Variants in USP7 observed in about 807,000 individuals in gnomAD.
USP7 encodes the protein ubiquitin specific peptidase 7.
USP7 carries 9 observed loss-of-function variants against 162.9 expected under a neutral mutation model. The ratio of observed to expected loss-of-function variants is 0.06; its 90% CI spans 0.03 to 0.10. The LOEUF (loss-of-function observed/expected upper bound fraction) is 0.10, where lower values mean the gene tolerates loss of function less well. Ranked by LOEUF, USP7 falls within the 10% of genes least tolerant of loss-of-function variation. USP7 has a pLI of 1.00. For synonymous variants in USP7, 562 were observed against 475.9 expected, an observed-to-expected ratio of 1.18 and a Z score of -2.35; for missense variants, 715 against 1,373.7, an observed-to-expected ratio of 0.52 and a Z score of 7.58.
At chr16:8,900,489 A>C (rs979236731) in intron 21 of USP7, 41 bp downstream of exon 21, 10 of 1,441,792 alleles carry the variant, frequency 6.9e-6, no homozygotes, top group African/African-American at 1.4e-5. Context: ...AAAAATCCTG[A>C]AATTAGTACA....
chr16:8,961,434 G>A (rs1193799785), intron 1 of USP7, among the ~76,000 whole-genome samples: 2 of 140,256 alleles, frequency 1.4e-5, no homozygotes, highest in Admixed American at 1.5e-4. Context: ...GGAGGTTGTA[G>A]TGACCCGAGA....
chr16:8,957,058 G>T (rs1018156302), intron 1 of USP7, among the ~76,000 whole-genome samples: 4 of 152,156 alleles, frequency 2.6e-5, no homozygotes, highest in African/African-American at 9.7e-5. Context: ...GGCTCAGGTT[G>T]GTGTATTTCC....
chr16:8,943,643 G>A (rs780445193), intron 1 of USP7, among the ~76,000 whole-genome samples: 1 of 152,220 alleles, frequency 6.6e-6, no homozygotes, highest in African/African-American at 2.4e-5. Flanking sequence ...ATGCCCACCA[G>A]TACTGAAGGT....
chr16:8,908,430 T>C lies in USP7; in HGVS notation c.1182A>G (p.Lys394=). The part of the protein sequence containing the change: ...HGLQEAEKGV[K]FLTLPPVLHL... ...GTAACACTGGTGGCAATGTTAGGAA[T>C]TTCACACCTTTCTCTGCTTCCTAAA... Residue 394 remains lysine (K), a synonymous_variant, in exon 12 of 31, where the codon AAA becomes AAG. Coordinates refer to ENST00000344836, the MANE Select transcript of USP7 (RefSeq NM_003470.3). 6.2e-7 allele frequency: 1 copy of C among 1,612,560 alleles called. No homozygotes were observed. Among genetic ancestry groups the C allele is most frequent in the Non-Finnish European group, 8.5e-7 (1 of 1,179,396 alleles).
intron 1 of USP7, among the ~76,000 whole-genome samples, chr16:8,958,729 A>G (rs1164969035): frequency 1.3e-5 from 2 of 152,248 alleles, no homozygotes; most frequent in African/African-American, 4.8e-5. Flanking sequence ...GCACTCACGC[A>G]AGAATCATCA....
chr16:8,936,017 C>G (rs1013359683), intron 1 of USP7, among the ~76,000 whole-genome samples: 2 of 152,200 alleles, frequency 1.3e-5, no homozygotes, highest in Non-Finnish European at 2.9e-5. Flanking sequence ...TGCCACTTCA[C>G]GAAGATTTAT....
At chr16:8,913,070 G>A (rs1216798975) in intron 10 of USP7, among the ~76,000 whole-genome samples, 3 of 152,014 alleles carry the variant, frequency 2.0e-5, no homozygotes, top group South Asian at 4.2e-4. Context: ...AAAAGCACAT[G>A]GGGGGCTGGG....
intron 1 of USP7, among the ~76,000 whole-genome samples, chr16:8,952,655 G>T (rs936748939): frequency 1.3e-5 from 2 of 152,088 alleles, no homozygotes; most frequent in Non-Finnish European, 2.9e-5. Context: ...ATTCAATAAG[G>T]TCTGCAAAAT....
chr16:8,898,066 G>C (rs559542101), intron 25 of USP7, among the ~76,000 whole-genome samples: 3 of 152,190 alleles, frequency 2.0e-5, no homozygotes, highest in South Asian at 2.1e-4. Flanking sequence ...GGAAGAGCTG[G>C]AGAAGGATCC....
At chr16:8,940,402 C>G (rs753664796) in intron 1 of USP7, among the ~76,000 whole-genome samples, 1 of 152,184 alleles carries the variant, frequency 6.6e-6, no homozygotes, top group African/African-American at 2.4e-5. Flanking sequence ...GAGAACTCTT[C>G]GGCTTCTTGA....
Position 8,898,667 on chromosome 16 carries a change from A to G in USP7, c.2532-28T>C, listed in dbSNP as rs541288253. Reference sequence around the variant, plus strand: ...ACACAAGAAAACAGCATATAAATAAATGACTTGTTTATTTGCCTAAAAACA... The same window carrying G: ...ACACAAGAAAACAGCATATAAATAAGTGACTTGTTTATTTGCCTAAAAACA... On this transcript the variant is annotated intron_variant, in intron 23 of 30. Transcript: ENST00000344836. The G allele has an allele frequency of 3.3e-6, 5 of 1,519,920 alleles. No individual in the cohort carries two copies. The South Asian group carries it at 6.1e-5, about 19-fold the overall frequency. 94.2% of individuals were successfully genotyped at this position (1,519,920 alleles called of 1,614,324 possible).
Position 8,895,962 on chromosome 16 carries a change from G to T in USP7, c.2820-221C>A, listed in dbSNP as rs530163568. On this transcript the variant is annotated intron_variant, in intron 26 of 30. Transcript: ENST00000344836. ...AGCAATTCTCCCACCTCAGCCTCCC[G>T]AGTAGTTGGGACTACAGGTGCGTGC... 2.7e-5 allele frequency among the ~76,000 whole-genome samples: 4 copies of T among 150,674 alleles called. 1 individual carries two copies. Among genetic ancestry groups the T allele is most frequent in the Admixed American group, 1.3e-4 (2 of 15,062 alleles).
chr16:8,944,089 C>A (rs1899173837), intron 1 of USP7, among the ~76,000 whole-genome samples: 1 of 152,152 alleles, frequency 6.6e-6, no homozygotes. Context: ...GGACAATATC[C>A]ATAATACATC....
intron 2 of USP7, among the ~76,000 whole-genome samples, chr16:8,924,649 C>T (rs1366922350): frequency 1.3e-5 from 2 of 152,238 alleles, no homozygotes; most frequent in Non-Finnish European, 2.9e-5. Flanking sequence ...CCTTCAGACT[C>T]CAAAGTTCAC....
At chr16:8,901,667 G>C (rs1462487258) in intron 18 of USP7, among the ~76,000 whole-genome samples, 1 of 152,164 alleles carries the variant, frequency 6.6e-6, no homozygotes. Flanking sequence ...CTGTTTTGTC[G>C]ATAAAGTTGT....
At chr16:8,946,458 CTT>C (rs1399581823) in intron 1 of USP7, among the ~76,000 whole-genome samples, 1 of 152,158 alleles carries the variant, frequency 6.6e-6, no homozygotes, top group East Asian at 1.9e-4. Context: ...TCCAGAAAGA[CTT>C]ATGCTCCAGA....
intron 25 of USP7, 153 bp from the exon 26 acceptor site, chr16:8,897,252 T>TGTGA: frequency 1.6e-6 from 1 of 632,248 alleles, no homozygotes; most frequent in Non-Finnish European, 2.8e-6. Flanking sequence ...CTCCCTCATC[T>TGTGA]GTGAATTCAC....
intron 1 of USP7, among the ~76,000 whole-genome samples, chr16:8,939,733 T>C (rs166231): frequency 0.63 from 96,164 of 152,196 alleles, 33,584 homozygotes; most frequent in East Asian, 0.87. Flanking sequence ...AAAACACATA[T>C]ACTATTCACA....
intron 14 of USP7, among the ~76,000 whole-genome samples, chr16:8,904,903 T>C (rs191846276): frequency 2.6e-5 from 4 of 151,618 alleles, no homozygotes; most frequent in African/African-American, 9.7e-5. Context: ...ACCCGGGAGG[T>C]GGAGCTTGCA....
Sources: gnomAD v4.1 joint callset for allele counts (sites outside exome capture counted in the v4.1 genomes callset) on GRCh38, gnomAD v4.1.1 for gene constraint, MANE v1.5 for transcripts, NCBI Gene and HGNC (gene_info 2026-07-23, HGNC 2026-07-21) for gene names.